PCDH15: variants seen among roughly 807,000 people sequenced by gnomAD.
The protein encoded by PCDH15 is protocadherin related 15.
In PCDH15, 129 loss-of-function variants were observed where a neutral mutation model predicts 178.5. The ratio of observed to expected loss-of-function variants is 0.72; its 90% CI spans 0.63 to 0.84. PCDH15 has a LOEUF of 0.84. Ranked by LOEUF, PCDH15 falls within the 40% of genes least tolerant of loss-of-function variation. The probability of loss-of-function intolerance (pLI) is 0.00; values close to 1 mark genes in which losing one functional copy is unlikely to be tolerated. For missense variants in PCDH15, 2,230 were observed against 2,099.9 expected (o/e 1.06, Z -1.21); for synonymous variants, 800 against 732.0 (o/e 1.09, Z -1.50).
chr10:54,369,346 C>T (rs1285250955), intron 4 of PCDH15, 71 bp from the exon 5 acceptor site: 24 of 1,351,554 alleles, frequency 1.8e-5, no homozygotes, highest in Non-Finnish European at 2.5e-5. Context: ...TCAAAGCACT[C>T]GTTCATTCAG....
chr10:55,554,261 C>T (rs1842047951), intron 2 of PCDH15, among the ~76,000 whole-genome samples: 1 of 151,972 alleles, frequency 6.6e-6, no homozygotes, highest in African/African-American at 2.4e-5. Context: ...TTAGGCATAA[C>T]TCTATTTTTC....
chr10:53,890,964 C>T (rs1333097964), intron 26 of PCDH15, among the ~76,000 whole-genome samples: 1 of 152,116 alleles, frequency 6.6e-6, no homozygotes, highest in Non-Finnish European at 1.5e-5. Flanking sequence ...ACTAAACTTT[C>T]TTCATAACGC....
intron 2 of PCDH15, among the ~76,000 whole-genome samples, chr10:55,526,873 C>T (rs1321060787): frequency 2.0e-5 from 3 of 152,018 alleles, no homozygotes; most frequent in Admixed American, 6.6e-5. Context: ...TTAGACATTG[C>T]TAAAATTCTT....
intron 2 of PCDH15, among the ~76,000 whole-genome samples, chr10:55,340,190 TATA>T (rs1844513198): frequency 6.6e-6 from 1 of 150,894 alleles, no homozygotes; most frequent in East Asian, 1.9e-4. Flanking sequence ...TTATGTAAAA[TATA>T]ATCTGTATAA....
chr10:54,582,323 A>G (rs955400156), intron 2 of PCDH15, among the ~76,000 whole-genome samples: 2 of 152,126 alleles, frequency 1.3e-5, no homozygotes, highest in Non-Finnish European at 2.9e-5. Context: ...CAAACAAATG[A>G]CAAAATATTC....
rs35951831 is a variant in PCDH15 at position 54,503,225 on chromosome 10, ATGTGTG to A, written c.157+24581_157+24586del. 3.1e-3 allele frequency among the ~76,000 whole-genome samples: 263 copies of A among 83,772 alleles called. 2 individuals carry two copies. The highest frequency in any genetic ancestry group is 7.2e-3 in the Admixed American group (47 of 6,526). 55.0% of individuals were successfully genotyped at this position (83,772 alleles called of 152,430 possible). A position where few individuals can be genotyped will look rare whatever the true frequency, so the allele number is the denominator to read the frequency against. On this transcript the variant is annotated intron_variant, in intron 3 of 37. Transcript: ENST00000644397. ...AATCCCAGGCCAAATATACATATAT[ATGTGTG>A]TGTGTGTGTGTGTGTGTGTGTGTGT...
chr10:55,101,494 T>C (rs1048810042), intron 2 of PCDH15, among the ~76,000 whole-genome samples: 4 of 151,862 alleles, frequency 2.6e-5, no homozygotes, highest in Non-Finnish European at 5.9e-5. Context: ...CAGCAAATTC[T>C]CAGTCTGGGC....
At chr10:54,257,403 C>T (rs377698717) in intron 8 of PCDH15, among the ~76,000 whole-genome samples, 38 of 125,972 alleles carry the variant, frequency 3.0e-4, no homozygotes, top group Middle Eastern at 5.4e-3. Flanking sequence ...GAATTGTCTT[C>T]TTTTTTTTTT....
At chr10:54,559,155 AT>A (rs927807487) in intron 2 of PCDH15, among the ~76,000 whole-genome samples, 5 of 152,074 alleles carry the variant, frequency 3.3e-5, no homozygotes, top group Non-Finnish European at 7.4e-5. Flanking sequence ...CTATGTGAGA[AT>A]TACAATAATT....
chr10:55,397,438 C>T (rs1344710133), intron 2 of PCDH15, among the ~76,000 whole-genome samples: 1 of 152,100 alleles, frequency 6.6e-6, no homozygotes, highest in African/African-American at 2.4e-5. Flanking sequence ...AAGTGAAAGC[C>T]ATTTCTTTAT....
chr10:55,569,385 T>C (rs571186961), intron 2 of PCDH15, among the ~76,000 whole-genome samples: 20 of 152,128 alleles, frequency 1.3e-4, no homozygotes, highest in African/African-American at 4.6e-4. Flanking sequence ...ATAAGTTCCC[T>C]ATATTTAGTG....
At chr10:55,473,500 G>A (rs1840006031) in intron 2 of PCDH15, among the ~76,000 whole-genome samples, 1 of 152,064 alleles carries the variant, frequency 6.6e-6, no homozygotes, top group African/African-American at 2.4e-5. Flanking sequence ...ACAACTACAT[G>A]GAAGAAGTAC....
chr10:54,599,909 A>G (rs537655056), intron 2 of PCDH15: 250 of 759,838 alleles, frequency 3.3e-4, no homozygotes, highest in Middle Eastern at 9.2e-4. Context: ...GTTGAGGAAA[A>G]GAGTGAGGAA....
chr10:54,278,864 T>C (rs2058503254), intron 8 of PCDH15, among the ~76,000 whole-genome samples: 1 of 151,612 alleles, frequency 6.6e-6, no homozygotes, highest in South Asian at 2.1e-4. Context: ...CTTTTGTACT[T>C]TACAAATCTG....
chr10:54,344,750 T>C (rs34475126), intron 6 of PCDH15, among the ~76,000 whole-genome samples: 10,642 of 151,768 alleles, frequency 0.07, 484 homozygotes, highest in African/African-American at 0.12. Flanking sequence ...AAAGCATTTC[T>C]GCTGCCCTTT....
chr10:53,918,659 A>G (rs2083730126), intron 25 of PCDH15, among the ~76,000 whole-genome samples: 1 of 152,090 alleles, frequency 6.6e-6, no homozygotes, highest in African/African-American at 2.4e-5. Context: ...ACAATGTGCT[A>G]AATTATTTAA....
chr10:54,436,146 AAAGGAAGGAAGAAAGG>A (rs1253951653), intron 3 of PCDH15, among the ~76,000 whole-genome samples: 1 of 147,658 alleles, frequency 6.8e-6, no homozygotes, highest in Non-Finnish European at 1.5e-5. Flanking sequence ...AGAAAGAAAG[AAAGGAAGGAAGAAAGG>A]AAGGAAGGAA....
At chr10:54,859,891 C>T (rs1305287858) in intron 3 of PCDH15, among the ~76,000 whole-genome samples, 1 of 151,592 alleles carries the variant, frequency 6.6e-6, no homozygotes, top group Non-Finnish European at 1.5e-5. Flanking sequence ...TTTTCTGTTC[C>T]AAATAATGTA....
At chr10:55,316,635 A>C (rs1341608440) in intron 1 of PCDH15, among the ~76,000 whole-genome samples, 2 of 152,168 alleles carry the variant, frequency 1.3e-5, no homozygotes, top group African/African-American at 4.8e-5. Context: ...TTTTATAAAG[A>C]AAGGAAGCAT....
Sources: allele counts gnomAD v4.1 joint callset (sites outside exome capture counted in the v4.1 genomes callset), GRCh38; gene constraint gnomAD v4.1.1; transcripts MANE v1.5; gene names NCBI Gene and HGNC (gene_info 2026-07-23, HGNC 2026-07-21).